CTNND2: variants seen among roughly 807,000 people sequenced by gnomAD.
CTNND2 encodes the protein catenin delta 2.
In CTNND2, 22 loss-of-function variants were observed where a neutral mutation model predicts 144.4. The ratio of observed to expected loss-of-function variants is 0.15; its 90% CI spans 0.11 to 0.22. The LOEUF (loss-of-function observed/expected upper bound fraction) is 0.22. Ranked by LOEUF, CTNND2 falls within the 10% of genes least tolerant of loss-of-function variation. CTNND2 has a pLI of 1.00. For synonymous variants in CTNND2, 751 were observed against 695.6 expected (o/e 1.08, Z -1.25); for missense variants, 1,353 against 1,618.8 (o/e 0.84, Z 2.82).
At chr5:11,500,724 C>T (rs927300424) in intron 3 of CTNND2, among the ~76,000 whole-genome samples, 2 of 152,184 alleles carry the variant, frequency 1.3e-5, no homozygotes, top group African/African-American at 4.8e-5. Flanking sequence ...CCAATAGCTA[C>T]ATATTCTAAA....
At chr5:11,186,884 A>G (rs1359552471) in intron 11 of CTNND2, among the ~76,000 whole-genome samples, 3 of 152,218 alleles carry the variant, frequency 2.0e-5, no homozygotes, top group South Asian at 2.1e-4. Flanking sequence ...TGTGACTTTA[A>G]GCATGCCCCT....
intron 16 of CTNND2, among the ~76,000 whole-genome samples, chr5:11,042,847 T>C (rs886217773): frequency 3.3e-5 from 5 of 152,146 alleles, no homozygotes; most frequent in African/African-American, 1.2e-4. Context: ...TCCTAACACA[T>C]ATAATGGGGC....
chr5:11,616,842 A>C (rs1780606414), intron 2 of CTNND2, among the ~76,000 whole-genome samples: 1 of 152,146 alleles, frequency 6.6e-6, no homozygotes, highest in South Asian at 2.1e-4. Context: ...CCTGGCCTCA[A>C]GTGACCCACA....
At chr5:11,557,406 A>C (rs1244873359) in intron 3 of CTNND2, among the ~76,000 whole-genome samples, 8 of 152,092 alleles carry the variant, frequency 5.3e-5, no homozygotes, top group Non-Finnish European at 4.4e-5. Flanking sequence ...ACCTGAATTC[A>C]ATTCTTTGGG....
At chr5:11,648,320 C>T (rs1199304307) in intron 2 of CTNND2, among the ~76,000 whole-genome samples, 1 of 152,048 alleles carries the variant, frequency 6.6e-6, no homozygotes, top group East Asian at 1.9e-4. Flanking sequence ...TGGTCCTGCC[C>T]TGTTAATAGC....
At chr5:11,659,484 TG>T (rs1561666111) in intron 2 of CTNND2, among the ~76,000 whole-genome samples, 1 of 152,164 alleles carries the variant, frequency 6.6e-6, no homozygotes, top group Admixed American at 6.6e-5. Context: ...ATCATTCTCT[TG>T]TCTGGTGCAT....
In CTNND2 at chr5:11,117,442, C is replaced by A; in HGVS notation, c.2277+8G>T. On this transcript the variant is annotated splice_region_variant and intron_variant, in intron 13 of 21. Coordinates refer to ENST00000304623, the MANE Select transcript of CTNND2 (RefSeq NM_001332.4). ...CAAACATGTTTAATCTATGCCAGCACAACCAACCTTGCTATCGATCTCACT... is the reference window on the plus strand; with the variant it reads ...CAAACATGTTTAATCTATGCCAGCAAAACCAACCTTGCTATCGATCTCACT... The A allele has an allele frequency of 6.2e-7, 1 of 1,609,746 alleles. No homozygotes were observed. Among genetic ancestry groups the A allele is most frequent in the Non-Finnish European group, 8.5e-7 (1 of 1,175,990 alleles).
intron 9 of CTNND2, among the ~76,000 whole-genome samples, chr5:11,254,021 TA>T (rs1258943965): frequency 6.6e-6 from 1 of 152,278 alleles, no homozygotes; most frequent in Admixed American, 6.5e-5. Flanking sequence ...CCATTATGAC[TA>T]AAAAAATGCT....
chr5:11,528,910 G>A (rs1249895760), intron 3 of CTNND2, among the ~76,000 whole-genome samples: 2 of 152,316 alleles, frequency 1.3e-5, no homozygotes, highest in East Asian at 3.9e-4. Flanking sequence ...GAGCTGTCTG[G>A]CTGGGCAATT....
At chr5:11,836,164 G>T (rs1794163760) in intron 1 of CTNND2, among the ~76,000 whole-genome samples, 1 of 152,070 alleles carries the variant, frequency 6.6e-6, no homozygotes, top group South Asian at 2.1e-4. Context: ...CTCCATGTTG[G>T]TTGGGCCACG....
intron 2 of CTNND2, among the ~76,000 whole-genome samples, chr5:11,702,483 T>G (rs988269734): frequency 2.0e-5 from 3 of 152,204 alleles, no homozygotes; most frequent in African/African-American, 7.2e-5. Flanking sequence ...CATGTTCATA[T>G]TAGTTATTCC....
At chr5:11,314,826 A>G (rs1419413207) in intron 9 of CTNND2, among the ~76,000 whole-genome samples, 1 of 149,644 alleles carries the variant, frequency 6.7e-6, no homozygotes. Context: ...TGGGGACATG[A>G]TTTGGGGAGG....
chr5:11,238,711 CATT>C (rs1741903169), intron 9 of CTNND2, among the ~76,000 whole-genome samples: 3 of 152,078 alleles, frequency 2.0e-5, no homozygotes, highest in Admixed American at 2.0e-4. Context: ...TATATATACA[CATT>C]ATATATATAC....
At chr5:11,268,157 G>T (rs1745646846) in intron 9 of CTNND2, among the ~76,000 whole-genome samples, 1 of 152,214 alleles carries the variant, frequency 6.6e-6, no homozygotes, top group Non-Finnish European at 1.5e-5. Context: ...ATGAGGCACG[G>T]AACATGTGTC....
intron 16 of CTNND2, among the ~76,000 whole-genome samples, chr5:11,043,525 T>C (rs1001703851): frequency 2.0e-5 from 3 of 152,044 alleles, no homozygotes; most frequent in Admixed American, 6.5e-5. Flanking sequence ...CACAAGTAGA[T>C]AGGTAGAAAA....
intron 21 of CTNND2, among the ~76,000 whole-genome samples, chr5:10,978,510 A>T (rs376274311): frequency 6.0e-5 from 9 of 151,208 alleles, no homozygotes; most frequent in African/African-American, 1.7e-4. Flanking sequence ...AGGGGGGGGA[A>T]CCCTCTCTTT....
chr5:11,000,102 C>T (rs1477344361), intron 18 of CTNND2, among the ~76,000 whole-genome samples: 3 of 152,168 alleles, frequency 2.0e-5, no homozygotes, highest in Admixed American at 6.5e-5. Flanking sequence ...CTGTAAACAT[C>T]GCCAAGAAGA....
At chr5:11,666,281 T>C (rs761965734) in intron 2 of CTNND2, among the ~76,000 whole-genome samples, 1 of 152,198 alleles carries the variant, frequency 6.6e-6, no homozygotes, top group Non-Finnish European at 1.5e-5. Flanking sequence ...GGTCTAAGGC[T>C]GTGTCTTCCA....
intron 19 of CTNND2, among the ~76,000 whole-genome samples, chr5:10,990,488 G>C (rs944129024): frequency 6.6e-6 from 1 of 152,110 alleles, no homozygotes; most frequent in African/African-American, 2.4e-5. Flanking sequence ...TCTCTTCCAG[G>C]AAAGTCTCTC....
Sources: allele counts gnomAD v4.1 joint callset (sites outside exome capture counted in the v4.1 genomes callset), GRCh38; gene constraint gnomAD v4.1.1; transcripts MANE v1.5; gene names NCBI Gene and HGNC (gene_info 2026-07-23, HGNC 2026-07-21).